Variants in CCDC186 observed in about 807,000 individuals in gnomAD.
CCDC186 encodes coiled-coil domain-containing protein 186.
A neutral mutation model predicts 113.7 loss-of-function variants in CCDC186; 49 were observed. The observed-to-expected ratio is 0.43, with a 90% confidence interval of 0.34 to 0.55. The LOEUF (loss-of-function observed/expected upper bound fraction) is 0.55, where lower values mean the gene tolerates loss of function less well. CCDC186 is among the 20% of genes least tolerant of loss of function. CCDC186 has a pLI of 0.02. For missense variants in CCDC186, 890 were observed against 1,011.1 expected, an observed-to-expected ratio of 0.88 and a Z score of 1.62; for synonymous variants, 355 against 345.8, an observed-to-expected ratio of 1.03 and a Z score of -0.30.
chr10:114,134,800 A>C, intron 10 of CCDC186, 113 bp downstream of exon 10: 1 of 1,109,956 alleles, frequency 9.0e-7, no homozygotes, highest in Non-Finnish European at 1.3e-6. Flanking sequence ...TAAAAATTTC[A>C]GCTAGTAAAA....
At chr10:114,149,400 C>T (rs2031741489) in intron 4 of CCDC186, among the ~76,000 whole-genome samples, 1 of 152,082 alleles carries the variant, frequency 6.6e-6, no homozygotes, top group Non-Finnish European at 1.5e-5. Flanking sequence ...AAACTGGCAT[C>T]AGTGGTTACC....
At chr10:114,163,421 C>T (rs554177834) in intron 1 of CCDC186, 92 bp from the exon 2 acceptor site, 14 of 1,012,890 alleles carry the variant, frequency 1.4e-5, no homozygotes, top group Non-Finnish European at 1.8e-5. Context: ...TAACTAACAC[C>T]ACAAATTTTA....
chr10:114,157,477 C>T, intron 3 of CCDC186, 77 bp downstream of exon 3: 1 of 1,369,130 alleles, frequency 7.3e-7, no homozygotes, highest in Non-Finnish European at 9.8e-7. Context: ...CAGGCATGAG[C>T]TGCCACAATC....
At chr10:114,138,270 A>C (rs1294010154) in intron 6 of CCDC186, among the ~76,000 whole-genome samples, 1 of 143,226 alleles carries the variant, frequency 7.0e-6, no homozygotes, top group Non-Finnish European at 1.5e-5. Context: ...AACAAAACAA[A>C]ACAAAACAAA....
chr10:114,131,010 G>C, intron 12 of CCDC186, 137 bp downstream of exon 12: 1 of 651,642 alleles, frequency 1.5e-6, no homozygotes, highest in East Asian at 3.3e-5. Context: ...ATTCCAAGAA[G>C]TTTAACAATT....
chr10:114,125,369 C>A, intron 15 of CCDC186, 143 bp from the exon 16 acceptor site: 1 of 578,846 alleles, frequency 1.7e-6, no homozygotes, highest in Non-Finnish European at 3.0e-6. Flanking sequence ...AAACTAGTGA[C>A]ACACAGCTGT....
At chr10:114,126,538 T>TG (rs1351302052) in intron 14 of CCDC186, among the ~76,000 whole-genome samples, 2 of 152,032 alleles carry the variant, frequency 1.3e-5, no homozygotes, top group Non-Finnish European at 2.9e-5. Flanking sequence ...TTTTTTGAGA[T>TG]GGGGTCTTGC....
At chr10:114,139,203 CTT>C (rs78214340) in intron 6 of CCDC186, among the ~76,000 whole-genome samples, 45 of 133,996 alleles carry the variant, frequency 3.4e-4, no homozygotes, top group Admixed American at 4.9e-4. Context: ...CCCTTTGTTC[CTT>C]TTTTTTTTTT....
At chr10:114,143,832 CAG>C (rs1330627056) in intron 6 of CCDC186, among the ~76,000 whole-genome samples, 1 of 152,134 alleles carries the variant, frequency 6.6e-6, no homozygotes, top group Non-Finnish European at 1.5e-5. Flanking sequence ...AGTCACAATT[CAG>C]AGTTGTTCTT....
intron 4 of CCDC186, among the ~76,000 whole-genome samples, chr10:114,148,610 A>G (rs532168307): frequency 6.6e-6 from 1 of 152,348 alleles, no homozygotes; most frequent in South Asian, 2.1e-4. Context: ...AATAACAAAC[A>G]TCTTTTAATA....
In CCDC186 at chr10:114,151,206, T is replaced by C. The variant is rs781606835; in HGVS notation, c.774A>G (p.Ile258Met). The C allele has an allele frequency of 1.9e-6, 3 of 1,567,648 alleles. No homozygotes were observed. The highest frequency in any genetic ancestry group is 2.2e-5 in the South Asian group (2 of 89,188). The change falls in exon 4 of 16, where the codon ATA (isoleucine) becomes ATG (methionine). Residue 258 changes from isoleucine (I) to methionine (M), a missense_variant. Coordinates refer to ENST00000369287, the MANE Select transcript of CCDC186 (RefSeq NM_018017.4). ...CTTTAACTTCTTTATTAAGTTCTTCTATTCTTGATTCTAACTGTAAAGAAA... is the reference window on the plus strand; with the variant it reads ...CTTTAACTTCTTTATTAAGTTCTTCCATTCTTGATTCTAACTGTAAAGAAA... ...MNTIKQLESR[I>M]EELNKEVKAS...
At chr10:114,138,962 G>A (rs1043594817) in intron 6 of CCDC186, among the ~76,000 whole-genome samples, 6 of 152,108 alleles carry the variant, frequency 3.9e-5, no homozygotes, top group East Asian at 1.9e-4. Context: ...ATCAGATGCC[G>A]CCTACTCTGC....
chr10:114,127,103 C>T (rs1373600685), intron 14 of CCDC186, among the ~76,000 whole-genome samples: 1 of 152,192 alleles, frequency 6.6e-6, no homozygotes, highest in East Asian at 1.9e-4. Flanking sequence ...TATCCCACTA[C>T]ATCCTACCCA....
At chr10:114,171,927 T>C (rs1291794823) in intron 1 of CCDC186, among the ~76,000 whole-genome samples, 2 of 152,186 alleles carry the variant, frequency 1.3e-5, no homozygotes, top group African/African-American at 4.8e-5. Context: ...TTAGCCCAAA[T>C]ACATTTTTTA....
intron 1 of CCDC186, among the ~76,000 whole-genome samples, chr10:114,171,299 G>T (rs554303465): frequency 1.3e-5 from 2 of 152,160 alleles, no homozygotes; most frequent in South Asian, 4.1e-4. Flanking sequence ...ACTTTGGGAG[G>T]CCTAGATGGG....
chr10:114,159,640 C>CAAAA (rs34339225), intron 2 of CCDC186, among the ~76,000 whole-genome samples: 5 of 55,470 alleles, frequency 9.0e-5, no homozygotes, highest in African/African-American at 2.4e-4. Flanking sequence ...GACTCCGTCT[C>CAAAA]AAAAAAAAAA....
At chr10:114,128,077 T>C (rs1174897550) in intron 13 of CCDC186, among the ~76,000 whole-genome samples, 1 of 152,204 alleles carries the variant, frequency 6.6e-6, no homozygotes, top group African/African-American at 2.4e-5. Flanking sequence ...ATACTACTCC[T>C]CTACTTACTA....
chr10:114,173,408 A>G, intron 1 of CCDC186: 1 of 322,670 alleles, frequency 3.1e-6, no homozygotes, highest in East Asian at 7.6e-5. Flanking sequence ...ATTTTTCATT[A>G]CTGATGGAGA....
At chr10:114,127,739 C>T (rs559487908) in intron 13 of CCDC186, 68 bp from the exon 14 acceptor site, 8 of 1,284,694 alleles carry the variant, frequency 6.2e-6, no homozygotes, top group East Asian at 2.4e-5. Flanking sequence ...TCATATATTA[C>T]TTATTCCAGC....
Sources: allele counts gnomAD v4.1 joint callset (sites outside exome capture counted in the v4.1 genomes callset), GRCh38; gene constraint gnomAD v4.1.1; transcripts MANE v1.5; gene names NCBI Gene and HGNC (gene_info 2026-07-23, HGNC 2026-07-21).